GRID2: variants seen among roughly 807,000 people sequenced by gnomAD.
GRID2 encodes the protein glutamate ionotropic receptor delta type subunit 2, also known as glutamate receptor ionotropic, delta-2.
In GRID2, 33 loss-of-function variants were observed where a neutral mutation model predicts 114.8. That is an observed-to-expected ratio of 0.29 (90% confidence interval 0.22 to 0.38). The LOEUF is 0.38. Among genes scored for constraint, GRID2 ranks in the 10% least tolerant of loss-of-function variants. The pLI is 1.00. For missense variants in GRID2, 1,184 were observed against 1,257.7 expected (o/e 0.94, Z 0.89); for synonymous variants, 505 against 449.9 (o/e 1.12, Z -1.55).
chr4:93,687,404 C>A (rs540398219), intron 14 of GRID2, among the ~76,000 whole-genome samples: 1 of 151,922 alleles, frequency 6.6e-6, no homozygotes, highest in East Asian at 1.9e-4. Flanking sequence ...GAGGTCCTGG[C>A]TAGAAATATA....
At chr4:93,554,069 A>G (rs13104231) in intron 13 of GRID2, among the ~76,000 whole-genome samples, 26,020 of 152,204 alleles carry the variant, frequency 0.17, 2,791 homozygotes, top group Middle Eastern at 0.27. Flanking sequence ...ACTCTGTTAC[A>G]GTAGTGAGAT....
At chr4:93,340,929 C>T (rs1238550988) in intron 8 of GRID2, among the ~76,000 whole-genome samples, 6 of 152,004 alleles carry the variant, frequency 3.9e-5, no homozygotes, top group African/African-American at 9.7e-5. Flanking sequence ...CTTCTTTATG[C>T]CTGGCATTTC....
chr4:93,145,764 G>A (rs1736165242), intron 4 of GRID2, among the ~76,000 whole-genome samples: 1 of 133,584 alleles, frequency 7.5e-6, no homozygotes, highest in Non-Finnish European at 1.5e-5. Context: ...TCAAAATTGT[G>A]TGATTACAGG....
At chr4:93,176,127 C>T (rs1054040128) in intron 4 of GRID2, among the ~76,000 whole-genome samples, 8 of 151,956 alleles carry the variant, frequency 5.3e-5, no homozygotes. Context: ...TATGTTCTGC[C>T]GATAATGGAA....
At chr4:93,018,435 G>T (rs528059673) in intron 2 of GRID2, among the ~76,000 whole-genome samples, 1 of 152,242 alleles carries the variant, frequency 6.6e-6, no homozygotes, top group South Asian at 2.1e-4. Flanking sequence ...GGTGAGAGAT[G>T]TTGGCATTGT....
chr4:92,726,103 T>G (rs1736057709), intron 2 of GRID2, among the ~76,000 whole-genome samples: 1 of 152,172 alleles, frequency 6.6e-6, no homozygotes. Flanking sequence ...CTACTCATCT[T>G]GTATTTTACT....
At chr4:93,285,631 G>A (rs962026739) in intron 8 of GRID2, among the ~76,000 whole-genome samples, 1 of 151,932 alleles carries the variant, frequency 6.6e-6, no homozygotes, top group African/African-American at 2.4e-5. Flanking sequence ...GTAAGAAAGG[G>A]AAAGTAAGTA....
rs139409435 is a variant in GRID2, at chr4:92,495,449, A to T, written c.89-94682A>T. On this transcript the variant is annotated intron_variant, in intron 1 of 15. Transcript: ENST00000282020. ...GAAATAATTTTAGGTGGCTAAGAGG[A>T]TCACAGGCAGAGATGCTGATAATTT... is the stretch of plus-strand genomic sequence containing the variant. 4.3e-3 allele frequency among the ~76,000 whole-genome samples: 651 copies of T among 152,114 alleles called. 2 individuals carry two copies. The highest frequency in any genetic ancestry group is 0.015 in the African/African-American group (632 of 41,558).
intron 10 of GRID2, among the ~76,000 whole-genome samples, chr4:93,450,831 A>G (rs1331959347): frequency 6.6e-6 from 1 of 151,936 alleles, no homozygotes; most frequent in African/African-American, 2.4e-5. Context: ...TGAATTTTCT[A>G]TAGTAGATGC....
rs993814334 is a variant in GRID2 at position 92,605,358 on chromosome 4, G to A, written c.244+15072G>A. ...TATTTGTAGGATACTTCTTATTCAC[G>A]GTACACTAGATTGGGATTTATACAG... On this transcript the variant is annotated intron_variant, in intron 2 of 15. Transcript: ENST00000282020. Among the ~76,000 whole-genome samples, 8 of 151,760 alleles carry A rather than the reference G, an allele frequency of 5.3e-5. 1 individual carries two copies. In the East Asian group the frequency reaches 1.5e-3, roughly 29 times the overall value.
At chr4:92,589,172 T>C (rs1455070785) in intron 1 of GRID2, among the ~76,000 whole-genome samples, 34 of 152,166 alleles carry the variant, frequency 2.2e-4, no homozygotes, top group Admixed American at 2.2e-3. Flanking sequence ...CCACACTGGC[T>C]TTATAATACA....
chr4:92,462,569 C>G (rs1721551191), intron 1 of GRID2, among the ~76,000 whole-genome samples: 2 of 151,772 alleles, frequency 1.3e-5, no homozygotes, highest in Admixed American at 6.6e-5. Flanking sequence ...TTTCTGACAA[C>G]TCAAGCAGAA....
intron 13 of GRID2, among the ~76,000 whole-genome samples, chr4:93,603,589 A>G (rs1244828258): frequency 2.0e-5 from 3 of 152,242 alleles, no homozygotes; most frequent in African/African-American, 7.2e-5. Flanking sequence ...CAACGTAGAT[A>G]AAACAGGCTT....
chr4:92,995,402 G>T (rs1755140412), intron 2 of GRID2, among the ~76,000 whole-genome samples: 1 of 152,142 alleles, frequency 6.6e-6, no homozygotes, highest in Non-Finnish European at 1.5e-5. Context: ...CACTGTGTTA[G>T]ATGCTTTATA....
At chr4:93,496,120 T>TAA (rs34078987) in intron 12 of GRID2, among the ~76,000 whole-genome samples, 7,644 of 141,712 alleles carry the variant, frequency 0.054, 363 homozygotes, top group African/African-American at 0.13. Flanking sequence ...TTCCTGATTG[T>TAA]AAAAAAAAAA....
At chr4:92,821,032 G>A (rs1023224733) in intron 2 of GRID2, among the ~76,000 whole-genome samples, 1 of 151,788 alleles carries the variant, frequency 6.6e-6, no homozygotes, top group African/African-American at 2.4e-5. Flanking sequence ...TAAATATTGT[G>A]ATTTTTACTT....
rs1412024745 is a variant in GRID2 at position 92,656,068 on chromosome 4, T to C, written c.244+65782T>C. Among the ~76,000 whole-genome samples, 2 of 151,892 alleles carry C rather than the reference T, an allele frequency of 1.3e-5. 1 individual carries two copies. The highest frequency in any genetic ancestry group is 3.9e-4 in the East Asian group (2 of 5,164). ...TATGCCGAGTTTGTTGAACATTTTA[T>C]CTTGCAGAGTAGTAGTTCTATTTTT... On this transcript the variant is annotated intron_variant, in intron 2 of 15. Coordinates refer to ENST00000282020, the MANE Select transcript of GRID2 (RefSeq NM_001510.4).
intron 13 of GRID2, among the ~76,000 whole-genome samples, chr4:93,605,257 A>G (rs1740108973): frequency 6.6e-6 from 1 of 152,222 alleles, no homozygotes; most frequent in Non-Finnish European, 1.5e-5. Context: ...TCAATTCCTC[A>G]ATCATATTAG....
At chr4:92,830,252 C>A (rs1742009575) in intron 2 of GRID2, among the ~76,000 whole-genome samples, 1 of 151,320 alleles carries the variant, frequency 6.6e-6, no homozygotes. Context: ...TAAATTATTT[C>A]TCCAAGATCA....
Sources: gnomAD v4.1 joint callset for allele counts (sites outside exome capture counted in the v4.1 genomes callset) on GRCh38, gnomAD v4.1.1 for gene constraint, MANE v1.5 for transcripts, NCBI Gene and HGNC (gene_info 2026-07-23, HGNC 2026-07-21) for gene names.